Variants in DBR1 observed in about 807,000 individuals in gnomAD.
DBR1 encodes the protein lariat debranching enzyme.
Under a neutral mutation model 45.9 loss-of-function variants are expected in DBR1, and 33 were observed. That is an observed-to-expected ratio of 0.72 (90% CI 0.55 to 0.96). The LOEUF is 0.96. Among genes scored for constraint, DBR1 ranks in the 40% least tolerant of loss-of-function variants. The probability of loss-of-function intolerance (pLI) is 0.00; values close to 1 mark genes in which losing one functional copy is unlikely to be tolerated. For missense variants in DBR1, 619 were observed against 667.4 expected, an observed-to-expected ratio of 0.93 and a Z score of 0.80; for synonymous variants, 235 against 235.9, an observed-to-expected ratio of 1.00 and a Z score of 0.04.
Position 138,174,806 on chromosome 3 carries a change from TGAG to T in DBR1, c.-14_-12del. On this transcript the variant is annotated 5_prime_UTR_variant, in exon 1 of 8. Coordinates refer to ENST00000260803, the MANE Select transcript of DBR1 (RefSeq NM_016216.4). ...CACAGCCACCCGCATTCTGCCGGCC[TGAG>T]GAGGTGAGCGCTGCCTGCAACGCCC... 2 of 1,607,732 alleles carry T rather than the reference TGAG, an allele frequency of 1.2e-6. No individual in the cohort carries two copies. The highest frequency in any genetic ancestry group is 1.3e-5 in the African/African-American group (1 of 74,988).
chr3:138,163,305 T>C (rs1302205658), intron 7 of DBR1, 44 bp downstream of exon 7: 3 of 1,595,928 alleles, frequency 1.9e-6, no homozygotes, highest in East Asian at 2.2e-5. Flanking sequence ...ATAAAAATTA[T>C]GCATGCAATG....
At position 138,164,986 on chromosome 3, in the gene DBR1, G is replaced by GT. The variant is rs562249023; in HGVS notation, c.715-1129dup. ...CTATGTAAATTATACTCCAATAAAG[G>GT]TTTTTTTTTTTCAAAAGTGAATTGA... On this transcript the variant is annotated intron_variant, in intron 5 of 7. Coordinates refer to ENST00000260803, the MANE Select transcript of DBR1 (RefSeq NM_016216.4). Among the ~76,000 whole-genome samples the GT allele has an allele frequency of 6.3e-3, 929 of 147,104 alleles. 6 individuals are homozygous for GT. Among genetic ancestry groups the GT allele is most frequent in the Admixed American group, 0.016 (228 of 14,704 alleles).
intron 5 of DBR1, chr3:138,164,225 C>A (rs1005822923): frequency 1.9e-5 from 3 of 156,400 alleles, no homozygotes; most frequent in African/African-American, 7.2e-5. Flanking sequence ...TTAGAAGAAC[C>A]CACAGGAGAA....
chr3:138,174,562 C>G (rs1423737308), intron 1 of DBR1, 37 bp downstream of exon 1: 2 of 1,494,794 alleles, frequency 1.3e-6, no homozygotes, highest in Non-Finnish European at 1.8e-6. Context: ...CAGTCCCACC[C>G]CCCCACCGCC....
At position 138,162,433 on chromosome 3, in the gene DBR1, T is replaced by C. The variant is rs117574050; in HGVS notation, c.1091A>G (p.Asn364Ser). 1.0e-3 allele frequency: 1,658 copies of C among 1,614,166 alleles called. 22 individuals are homozygous for C. In the East Asian group the frequency reaches 0.029, roughly 29 times the overall value. ...GGCACAAAATTCAGTTGTCTGAGGA[T>C]TGATCCTATGAATCAGCTGCATTTG... ...QTQMQLIHRINPQTTEFCAQL... is the reference protein window; with the variant it reads ...QTQMQLIHRISPQTTEFCAQL... Residue 364 changes from asparagine (N) to serine (S), a missense_variant, in exon 8 of 8, where the codon AAT becomes AGT. Asn to Ser is a conservative substitution (Grantham distance 46, BLOSUM62 1). Transcript: ENST00000260803.
intron 1 of DBR1, among the ~76,000 whole-genome samples, chr3:138,174,023 GAAAAA>G (rs138787515): frequency 8.1e-6 from 1 of 123,908 alleles, no homozygotes; most frequent in East Asian, 2.5e-4. Context: ...TCTGTCTCAA[GAAAAA>G]AAAAAAAAAA....
intron 4 of DBR1, among the ~76,000 whole-genome samples, chr3:138,168,522 A>G (rs1161541598): frequency 6.9e-6 from 1 of 145,264 alleles, no homozygotes; most frequent in Non-Finnish European, 1.5e-5. Context: ...CTTTGTCTCA[A>G]AAAAAAAAAA....
intron 3 of DBR1, 65 bp from the exon 4 acceptor site, chr3:138,170,257 A>ATACAC (rs1340364476): frequency 5.0e-6 from 5 of 993,042 alleles, no homozygotes; most frequent in Non-Finnish European, 7.6e-6. Context: ...ACAAAGACAT[A>ATACAC]TACACAGGTC....
Position 138,162,048 on chromosome 3 carries a change from T to G in DBR1, c.1476A>C (p.Lys492Asn). 6.2e-7 allele frequency: 1 copy of G among 1,614,136 alleles called. No homozygotes were observed. The highest frequency in any genetic ancestry group is 8.5e-7 in the Non-Finnish European group (1 of 1,180,026). The change falls in exon 8 of 8, where the codon AAA becomes AAC. Residue 492 changes from lysine (K) to asparagine (N), a missense_variant. This residue lies in a region of DBR1 where 182 missense variants were observed against 196.1 expected (regional missense o/e 0.93). Coordinates refer to ENST00000260803, the MANE Select transcript of DBR1 (RefSeq NM_016216.4). ...TCCCTGACTCCACAGTCCCACCAGG[T>G]TTCCCCTCTCTATCAATTGTGGAAT... ...TVDSTIDREG[K>N]PGGTVESGNG...
chr3:138,171,115 G>A (rs540443113), intron 3 of DBR1, among the ~76,000 whole-genome samples: 147 of 152,218 alleles, frequency 9.7e-4, no homozygotes, highest in Admixed American at 2.9e-3. Flanking sequence ...ATTGAGGACA[G>A]ATAAACAATG....
In DBR1 at chr3:138,163,360, G is replaced by T; in HGVS notation, c.930C>A (p.Gly310=). 6.2e-7 allele frequency: 1 copy of T among 1,613,390 alleles called. No individual in the cohort carries two copies. The highest frequency in any genetic ancestry group is 1.1e-5 in the South Asian group (1 of 90,942). Residue 310 remains glycine, a synonymous_variant, in exon 7 of 8, where the codon GGC becomes GGA. Transcript: ENST00000260803. ...GRLWNMPENN[G]LHARWDYSAT... ...AAAGTCTGACTTACCTTGCATGCAGGCCATTATTTTCTGGCATATTCCACA... is the reference window on the plus strand; with the variant it reads ...AAAGTCTGACTTACCTTGCATGCAGTCCATTATTTTCTGGCATATTCCACA...
At chr3:138,164,964 T>C (rs1241711419) in intron 5 of DBR1, among the ~76,000 whole-genome samples, 1 of 152,020 alleles carries the variant, frequency 6.6e-6, no homozygotes, top group East Asian at 1.9e-4. Flanking sequence ...TTTTATGCTA[T>C]GTAAATTATA....
chr3:138,171,499 A>AAACAAAAT, intron 3 of DBR1, 134 bp downstream of exon 3: 2 of 324,408 alleles, frequency 6.2e-6, no homozygotes, highest in Non-Finnish European at 1.1e-5. Flanking sequence ...AAAAAAAAAA[A>AAACAAAAT]AGCAAAATAC....
chr3:138,173,543 A>G lies in DBR1; in HGVS notation c.281T>C (p.Leu94Ser). ...TGGTGCCACCCAGCCACCATAGGGT[A>G]ACTCTTGCAAATGATTTGAGGCTTC... ...NHEASNHLQE[L>S]PYGGWVAPNI... Residue 94 changes from leucine (L) to serine (S), a missense_variant, in exon 2 of 8, where the codon TTA becomes TCA. Around this residue, in one of 3 missense-constraint regions of DBR1, gnomAD observed 430 missense variants for 447.7 expected, o/e 0.96. Coordinates refer to ENST00000260803, the MANE Select transcript of DBR1 (RefSeq NM_016216.4). 1.2e-6 allele frequency: 2 copies of G among 1,614,058 alleles called. No individual in the cohort carries two copies. Among genetic ancestry groups the G allele is most frequent in the Non-Finnish European group, 1.7e-6 (2 of 1,179,940 alleles).
intron 4 of DBR1, among the ~76,000 whole-genome samples, chr3:138,167,910 GC>G (rs1213807842): frequency 1.3e-5 from 2 of 151,910 alleles, no homozygotes; most frequent in Non-Finnish European, 2.9e-5. Context: ...TCATGCAATT[GC>G]ACTCCAGCCT....
Position 138,162,480 on chromosome 3 carries a change from A to G in DBR1, c.1044T>C (p.Tyr348=). ...PCNFSVTAAC[Y]DPSKPQTQMQ... is the part of the protein sequence containing the mutation. ...TTTGTGTCTGTGGCTTGCTAGGATC[A>G]TAACAAGCAGCTGTTACACTAAAGT... The change falls in exon 8 of 8, where the codon TAT becomes TAC. Residue 348 remains tyrosine, a synonymous_variant. Transcript: ENST00000260803. 6.2e-7 allele frequency: 1 copy of G among 1,614,184 alleles called. No individual in the cohort carries two copies. The highest frequency in any genetic ancestry group is 8.5e-7 in the Non-Finnish European group (1 of 1,180,012).
Position 138,162,084 on chromosome 3 carries a change from A to G in DBR1, c.1440T>C (p.Asp480=), listed in dbSNP as rs753711790. 2 of 1,614,202 alleles carry G rather than the reference A, an allele frequency of 1.2e-6. No individual in the cohort carries two copies. The highest frequency in any genetic ancestry group is 1.7e-6 in the Non-Finnish European group (2 of 1,180,040). The change falls in exon 8 of 8, where the codon GAT becomes GAC. Residue 480 remains aspartate, a synonymous_variant. Coordinates refer to ENST00000260803, the MANE Select transcript of DBR1 (RefSeq NM_016216.4). ...TATCAATTGTGGAATCCACCGTATC[A>G]TCAGAAGATACAATCATAGAGCCTG... ...ILPGSMIVSS[D]DTVDSTIDRE...
rs773404197 is a variant in DBR1, at chr3:138,163,764, T to G, written c.795+14A>C. 3.0e-5 allele frequency: 48 copies of G among 1,594,670 alleles called. No individual in the cohort carries two copies. Among genetic ancestry groups the G allele is most frequent in the Non-Finnish European group, 3.9e-5 (45 of 1,165,938 alleles). ...GAGTACAACTATATTATAAAGCCAC[T>G]TCACTCTTCTTACCTGAAGAAAATC... On this transcript the variant is annotated intron_variant, in intron 6 of 7. Coordinates refer to ENST00000260803, the MANE Select transcript of DBR1 (RefSeq NM_016216.4).
chr3:138,174,802 G>C lies in DBR1; in HGVS notation c.-7C>G. On this transcript the variant is annotated 5_prime_UTR_variant, in exon 1 of 8. Coordinates refer to ENST00000260803, the MANE Select transcript of DBR1 (RefSeq NM_016216.4). ...CAGCCACAGCCACCCGCATTCTGCC[G>C]GCCTGAGGAGGTGAGCGCTGCCTGC... The C allele has an allele frequency of 6.2e-7, 1 of 1,608,928 alleles. No homozygotes were observed. Among genetic ancestry groups the C allele is most frequent in the Non-Finnish European group, 8.5e-7 (1 of 1,178,668 alleles).
Sources: gnomAD v4.1 joint callset for allele counts (sites outside exome capture counted in the v4.1 genomes callset) on GRCh38, gnomAD v4.1.1 for gene constraint, gnomAD v4.1.1 regional missense constraint, MANE v1.5 for transcripts, NCBI Gene and HGNC (gene_info 2026-07-23, HGNC 2026-07-21) for gene names.